Variants in AXDND1 observed in about 807,000 individuals in gnomAD.
AXDND1 encodes axonemal dynein light chain domain-containing protein 1.
Under a neutral mutation model 137.5 loss-of-function variants are expected in AXDND1, and 110 were observed. The ratio of observed to expected loss-of-function variants is 0.80; its 90% CI spans 0.69 to 0.94. The LOEUF (loss-of-function observed/expected upper bound fraction) is 0.94. Among genes scored for constraint, AXDND1 ranks in the 40% least tolerant of loss-of-function variants. The probability of loss-of-function intolerance (pLI) is 0.00; values close to 1 mark genes in which losing one functional copy is unlikely to be tolerated. For synonymous variants in AXDND1, 414 were observed against 399.7 expected (o/e 1.04, Z -0.43); for missense variants, 1,191 against 1,169.8 (o/e 1.02, Z -0.26).
At chr1:179,420,515 GTTC>G (rs1180134804) in intron 12 of AXDND1, among the ~76,000 whole-genome samples, 1 of 151,882 alleles carries the variant, frequency 6.6e-6, no homozygotes, top group African/African-American at 2.4e-5. Flanking sequence ...ATTGATATTA[GTTC>G]TTCTTCAAAT....
At chr1:179,389,571 C>T (rs1649805667) in intron 9 of AXDND1, among the ~76,000 whole-genome samples, 1 of 152,222 alleles carries the variant, frequency 6.6e-6, no homozygotes, top group African/African-American at 2.4e-5. Context: ...GGCTTAGTCT[C>T]TGGTTCTCAG....
rs142702064 is a variant in AXDND1, at chr1:179,519,426, A to G, written c.2497-5908A>G. ...TTTGTCAATTTTTGCTTCTGTTGCAATTGTTTTTGGCATCTTCATTGTGAA... is the reference window on the plus strand; with the variant it reads ...TTTGTCAATTTTTGCTTCTGTTGCAGTTGTTTTTGGCATCTTCATTGTGAA... On this transcript the variant is annotated intron_variant, in intron 21 of 25. Coordinates refer to ENST00000367618, the MANE Select transcript of AXDND1 (RefSeq NM_144696.6). Among the ~76,000 whole-genome samples the G allele has an allele frequency of 6.4e-3, 972 of 152,152 alleles. 9 individuals carry two copies. The highest frequency in any genetic ancestry group is 0.021 in the African/African-American group (880 of 41,512).
intron 25 of AXDND1, chr1:179,551,177 A>G: frequency 3.7e-6 from 6 of 1,613,988 alleles, no homozygotes; most frequent in Non-Finnish European, 5.1e-6. Context: ...TCCTTCCTAT[A>G]ACATGGGAGA....
At chr1:179,528,300 A>T (rs1326936691) in intron 22 of AXDND1, 27 bp from the exon 23 acceptor site, 7 of 1,555,054 alleles carry the variant, frequency 4.5e-6, no homozygotes, top group Non-Finnish European at 6.2e-6. Context: ...CAGCTTGCTA[A>T]CAGGTCCGCA....
chr1:179,431,295 C>G (rs954629922), intron 14 of AXDND1, among the ~76,000 whole-genome samples: 1 of 152,128 alleles, frequency 6.6e-6, no homozygotes, highest in African/African-American at 2.4e-5. Flanking sequence ...GCATGCGCCA[C>G]CACACCCGGC....
chr1:179,460,958 G>C (rs1662237360), intron 16 of AXDND1, among the ~76,000 whole-genome samples: 2 of 152,130 alleles, frequency 1.3e-5, no homozygotes, highest in Non-Finnish European at 2.9e-5. Context: ...TTAGCCCTTT[G>C]TCAGATGGGT....
intron 16 of AXDND1, among the ~76,000 whole-genome samples, chr1:179,461,680 T>C (rs980165086): frequency 8.5e-5 from 13 of 152,226 alleles, no homozygotes; most frequent in Admixed American, 7.9e-4. Flanking sequence ...TTCCTATCCA[T>C]GAACATGGAG....
rs1343742324 is a variant in AXDND1 at position 179,533,921 on chromosome 1, G to A, written c.2798+44G>A. 1.9e-6 allele frequency: 3 copies of A among 1,559,726 alleles called. No individual in the cohort carries two copies. The South Asian group carries it at 3.4e-5, about 17-fold the overall frequency. On this transcript the variant is annotated intron_variant, in intron 24 of 25. Transcript: ENST00000367618. The stretch of plus-strand genomic sequence containing the variant: ...AATGGTAAGAGGATGAAAATGGCTG[G>A]CCAGAAGGTTTGACTGAGAAATTCA...
At chr1:179,549,441 C>T (rs1419090030) in intron 25 of AXDND1, among the ~76,000 whole-genome samples, 1 of 150,304 alleles carries the variant, frequency 6.7e-6, no homozygotes, top group Non-Finnish European at 1.5e-5. Context: ...AAATATTGAC[C>T]TGTGCCAGAC....
chr1:179,419,395 C>T lies in AXDND1; in HGVS notation c.1230+8129C>T, dbSNP rs377226606. 5.6e-4 allele frequency among the ~76,000 whole-genome samples: 84 copies of T among 150,312 alleles called. 1 individual carries two copies. In the East Asian group the frequency reaches 0.016, roughly 29 times the overall value. On this transcript the variant is annotated intron_variant, in intron 12 of 25. Transcript: ENST00000367618. ...GGGAGGCCAAGGCTGGCGGATCACTCGCGGTTAGGAGCTGGAGACCAGCCC... is the reference window on the plus strand; with the variant it reads ...GGGAGGCCAAGGCTGGCGGATCACTTGCGGTTAGGAGCTGGAGACCAGCCC...
chr1:179,478,935 T>C (rs957217679), intron 17 of AXDND1, among the ~76,000 whole-genome samples: 1 of 151,314 alleles, frequency 6.6e-6, no homozygotes, highest in African/African-American at 2.4e-5. Flanking sequence ...ACTCAATCTC[T>C]ACTAAAAATG....
chr1:179,533,958 T>A (rs1671274227), intron 24 of AXDND1, 81 bp downstream of exon 24: 12 of 1,238,194 alleles, frequency 9.7e-6, no homozygotes. Flanking sequence ...ACTTTTTGGC[T>A]TCCCTTTGGC....
At chr1:179,519,744 G>A (rs1219050667) in intron 21 of AXDND1, among the ~76,000 whole-genome samples, 2 of 152,184 alleles carry the variant, frequency 1.3e-5, no homozygotes, top group Non-Finnish European at 2.9e-5. Context: ...TTCCATTGGT[G>A]TATGTGTCTG....
At chr1:179,515,609 A>T (rs1255478774) in intron 21 of AXDND1, among the ~76,000 whole-genome samples, 1 of 152,048 alleles carries the variant, frequency 6.6e-6, no homozygotes, top group Admixed American at 6.5e-5. Flanking sequence ...TTGTATTTGG[A>T]TGTCTAGATC....
In AXDND1 at chr1:179,429,636, T is replaced by C; in HGVS notation, c.1332+17T>C. 2 of 1,471,242 alleles carry C rather than the reference T, an allele frequency of 1.4e-6. No homozygotes were observed. The highest frequency in any genetic ancestry group is 1.4e-5 in the African/African-American group (1 of 69,298). The allele number at this position is 1,471,242 out of a possible 1,614,324, so 91.1% of individuals were successfully genotyped here. On this transcript the variant is annotated intron_variant, in intron 13 of 25. Transcript: ENST00000367618. ...TCAAACAAGGTAAAGGTCAATTATC[T>C]TCAGTTATGGGAAAAAAAGATGCCA...
intron 16 of AXDND1, among the ~76,000 whole-genome samples, chr1:179,465,537 G>T (rs1001787400): frequency 6.6e-6 from 1 of 152,264 alleles, no homozygotes; most frequent in Non-Finnish European, 1.5e-5. Flanking sequence ...CCCCTACTGG[G>T]AGGTGTCTCC....
intron 4 of AXDND1, among the ~76,000 whole-genome samples, chr1:179,374,540 G>A (rs1668382339): frequency 6.6e-6 from 1 of 152,108 alleles, no homozygotes; most frequent in African/African-American, 2.4e-5. Flanking sequence ...GTTTATTGCG[G>A]CACTATTCAC....
chr1:179,402,348 C>A (rs1323241458), intron 11 of AXDND1, among the ~76,000 whole-genome samples: 1 of 152,104 alleles, frequency 6.6e-6, no homozygotes, highest in Non-Finnish European at 1.5e-5. Context: ...CTTATACCTT[C>A]AATCCTACCT....
intron 21 of AXDND1, among the ~76,000 whole-genome samples, chr1:179,524,303 G>A (rs1442817709): frequency 6.6e-6 from 1 of 152,068 alleles, no homozygotes; most frequent in Non-Finnish European, 1.5e-5. Flanking sequence ...TTATGTAACT[G>A]GGTTACTGTC....
Sources: allele counts gnomAD v4.1 joint callset (sites outside exome capture counted in the v4.1 genomes callset), GRCh38; gene constraint gnomAD v4.1.1; transcripts MANE v1.5; gene names NCBI Gene and HGNC (gene_info 2026-07-23, HGNC 2026-07-21).